The following NCKAP1 variants were observed in gnomAD, a reference collection of about 807,000 sequenced individuals.
NCKAP1 encodes nck-associated protein 1.
In NCKAP1, 21 loss-of-function variants were observed where a neutral mutation model predicts 151.2. The observed-to-expected ratio is 0.14, with a 90% confidence interval of 0.10 to 0.20. The LOEUF is 0.20. Among genes scored for constraint, NCKAP1 ranks in the 10% least tolerant of loss-of-function variants. The pLI, the probability that NCKAP1 is intolerant of heterozygous loss-of-function variation, is 1.00. For missense variants in NCKAP1, 933 were observed against 1,352.1 expected (o/e 0.69, Z 4.86); for synonymous variants, 484 against 451.8 (o/e 1.07, Z -0.90).
chr2:182,943,150 T>C (rs925389425), intron 23 of NCKAP1, among the ~76,000 whole-genome samples: 3 of 152,166 alleles, frequency 2.0e-5, no homozygotes, highest in Admixed American at 6.5e-5. Context: ...CAATCACCTG[T>C]GGTGCTCTTT....
intron 24 of NCKAP1, among the ~76,000 whole-genome samples, chr2:182,941,579 T>C (rs1696995749): frequency 6.6e-6 from 1 of 152,202 alleles, no homozygotes; most frequent in Admixed American, 6.5e-5. Flanking sequence ...TACAAAGAGA[T>C]AGCAAACAAT....
intron 28 of NCKAP1, among the ~76,000 whole-genome samples, 181 bp downstream of exon 28, chr2:182,928,602 C>G (rs1452681269): frequency 6.6e-6 from 1 of 152,052 alleles, no homozygotes; most frequent in Non-Finnish European, 1.5e-5. Flanking sequence ...TACACACATT[C>G]AGGCACACAT....
In NCKAP1 at chr2:182,977,962, C is replaced by T. The variant is rs183080910; in HGVS notation, c.1423+872G>A. On this transcript the variant is annotated intron_variant, in intron 14 of 30. Coordinates refer to ENST00000361354, the MANE Select transcript of NCKAP1 (RefSeq NM_013436.5). The stretch of plus-strand genomic sequence containing the variant: ...GATGATGATAAAGGAGACAGTTGTG[C>T]TAAGGGAAGTAAAGGCTTTTCTCCT... Among the ~76,000 whole-genome samples, 3 of 152,212 alleles carry T rather than the reference C, an allele frequency of 2.0e-5. 1 individual carries two copies. In the East Asian group the frequency reaches 5.8e-4, roughly 29 times the overall value.
intron 26 of NCKAP1, among the ~76,000 whole-genome samples, chr2:182,934,145 CT>C (rs970036589): frequency 6.1e-5 from 9 of 148,538 alleles, no homozygotes; most frequent in Admixed American, 6.7e-5. Flanking sequence ...CTTCATCTTT[CT>C]TTTTTTTTTG....
At chr2:182,974,235 T>C (rs910544545) in intron 15 of NCKAP1, among the ~76,000 whole-genome samples, 13 of 150,126 alleles carry the variant, frequency 8.7e-5, no homozygotes, top group Admixed American at 6.0e-4. Flanking sequence ...TTTCCTTCCT[T>C]TGTATGCATT....
At chr2:182,971,370 G>A (rs2105842853) in intron 15 of NCKAP1, among the ~76,000 whole-genome samples, 1 of 143,946 alleles carries the variant, frequency 6.9e-6, no homozygotes, top group East Asian at 2.0e-4. Flanking sequence ...CTCCAGCCTG[G>A]GCGACAGAGC....
chr2:182,957,002 C>G (rs1210279698), intron 19 of NCKAP1: 3 of 165,890 alleles, frequency 1.8e-5, no homozygotes, highest in African/African-American at 7.2e-5. Context: ...TTATTACCCA[C>G]CTACACCTCC....
At chr2:182,947,844 ACAT>A (rs1697139090) in intron 23 of NCKAP1, among the ~76,000 whole-genome samples, 1 of 152,172 alleles carries the variant, frequency 6.6e-6, no homozygotes, top group African/African-American at 2.4e-5. Context: ...TCTATATGAA[ACAT>A]CATTATGATC....
rs1172339696 is a variant in NCKAP1 at position 182,957,583 on chromosome 2, T to C, written c.1895A>G (p.His632Arg). ...CTLSDQLLPK[H>R]CAKTISQAVN... ...TGCTTGACTGATAGTTTTGGCACAA[T>C]GCTTGGGTAGCAACTAAATTTAGAA... Residue 632 changes from histidine to arginine, a missense_variant, in exon 19 of 31, where the codon CAT becomes CGT. Physicochemically the swap from His to Arg is conservative, Grantham distance 29. Coordinates refer to ENST00000361354, the MANE Select transcript of NCKAP1 (RefSeq NM_013436.5). 9.9e-6 allele frequency: 16 copies of C among 1,611,694 alleles called. No individual in the cohort carries two copies. Among genetic ancestry groups the C allele is most frequent in the Admixed American group, 3.4e-5 (2 of 59,460 alleles).
At chr2:183,013,388 AC>A (rs1260385654) in intron 2 of NCKAP1, among the ~76,000 whole-genome samples, 1 of 151,936 alleles carries the variant, frequency 6.6e-6, no homozygotes, top group Non-Finnish European at 1.5e-5. Flanking sequence ...CTGTTCTCTC[AC>A]CCCATTATAT....
At chr2:182,960,525 C>A (rs1341565311) in intron 18 of NCKAP1, among the ~76,000 whole-genome samples, 1 of 152,078 alleles carries the variant, frequency 6.6e-6, no homozygotes, top group Admixed American at 6.5e-5. Context: ...AACTGGCTAG[C>A]CATATGTAGA....
At chr2:182,968,207 G>A (rs1697615050) in intron 15 of NCKAP1, among the ~76,000 whole-genome samples, 1 of 152,180 alleles carries the variant, frequency 6.6e-6, no homozygotes, top group Non-Finnish European at 1.5e-5. Flanking sequence ...TCTGTATAGT[G>A]AGGAAAATAG....
intron 9 of NCKAP1, among the ~76,000 whole-genome samples, chr2:182,988,367 A>G (rs773566127): frequency 3.9e-5 from 6 of 152,344 alleles, no homozygotes; most frequent in African/African-American, 9.6e-5. Flanking sequence ...TATATTCAAC[A>G]TAAGTATAGC....
Position 182,932,085 on chromosome 2 carries a change from T to C in NCKAP1, c.2860-1297A>G, listed in dbSNP as rs1248165632. Among the ~76,000 whole-genome samples the C allele has an allele frequency of 1.6e-4, 25 of 152,164 alleles. 1 individual carries two copies. Among genetic ancestry groups the C allele is most frequent in the Admixed American group, 1.6e-3 (25 of 15,280 alleles). On this transcript the variant is annotated intron_variant, in intron 26 of 30. Coordinates refer to ENST00000361354, the MANE Select transcript of NCKAP1 (RefSeq NM_013436.5). ...TAGCAGTTCCTCAAAAGGCTAAACA[T>C]ACAGTTTTCATATGACCCTGCAATT... is the stretch of plus-strand genomic sequence containing the variant.
intron 1 of NCKAP1, chr2:183,024,976 A>G: frequency 6.2e-7 from 1 of 1,612,530 alleles, no homozygotes; most frequent in South Asian, 1.1e-5. Flanking sequence ...AGCTTTGCAA[A>G]CCTTCCAAAC....
At chr2:183,034,193 C>T (rs1408589700) in intron 1 of NCKAP1, among the ~76,000 whole-genome samples, 1 of 152,072 alleles carries the variant, frequency 6.6e-6, no homozygotes, top group Non-Finnish European at 1.5e-5. Flanking sequence ...TAAGCAGATA[C>T]TGGCTAAAGA....
rs759011063 is a variant in NCKAP1 at position 182,962,140 on chromosome 2, G to A, written c.1881+19C>T. 1 of 1,564,870 alleles carries A rather than the reference G, an allele frequency of 6.4e-7. No homozygotes were observed. Among genetic ancestry groups the A allele is most frequent in the Non-Finnish European group, 8.6e-7 (1 of 1,156,642 alleles). On this transcript the variant is annotated intron_variant, in intron 18 of 30. Coordinates refer to ENST00000361354, the MANE Select transcript of NCKAP1 (RefSeq NM_013436.5). Reference sequence around the variant, plus strand: ...TTCACACAAAATTTCCTATCTGTTGGAAACACTTAAATCATTACCTGGTCA... The same window carrying A: ...TTCACACAAAATTTCCTATCTGTTGAAAACACTTAAATCATTACCTGGTCA...
At chr2:183,025,578 C>G (rs572055338) in intron 1 of NCKAP1, among the ~76,000 whole-genome samples, 1 of 152,268 alleles carries the variant, frequency 6.6e-6, no homozygotes, top group South Asian at 2.1e-4. Context: ...TTTAGAACTT[C>G]ATAATCTTTA....
Position 182,910,493 on chromosome 2 carries a change from G to A in NCKAP1, c.*15209C>T, listed in dbSNP as rs117376377. 12 of 152,374 alleles carry A rather than the reference G, an allele frequency of 7.9e-5. No individual in the cohort carries two copies. The East Asian group carries it at 1.5e-3, about 20-fold the overall frequency. The allele number at this position is 152,374 out of a possible 1,614,324, so 9.4% of individuals were successfully genotyped here. A position where few individuals can be genotyped will look rare whatever the true frequency, so the allele number is the denominator to read the frequency against. The stretch of plus-strand genomic sequence containing the variant: ...GGGAACAAGGAAGTTACACTGCCTC[G>A]GCAAAGAAAGTGCTTTTCTCCACTG... On this transcript the variant is annotated 3_prime_UTR_variant, in exon 31 of 31. Coordinates refer to ENST00000361354, the MANE Select transcript of NCKAP1 (RefSeq NM_013436.5).
Sources: gnomAD v4.1 joint callset for allele counts (sites outside exome capture counted in the v4.1 genomes callset) on GRCh38, gnomAD v4.1.1 for gene constraint, MANE v1.5 for transcripts, NCBI Gene and HGNC (gene_info 2026-07-23, HGNC 2026-07-21) for gene names.